Variants in OPRM1 observed in about 807,000 individuals in gnomAD.
The protein encoded by OPRM1 is opioid receptor mu 1.
Under a neutral mutation model 31.8 loss-of-function variants are expected in OPRM1, and 27 were observed. That is an observed-to-expected ratio of 0.85 (90% CI 0.63 to 1.17). OPRM1 has a LOEUF of 1.17. Ranked by LOEUF, OPRM1 falls within the 50% of genes most tolerant of loss-of-function variation. OPRM1 has a pLI of 0.00. For missense variants in OPRM1, 536 were observed against 511.1 expected (o/e 1.05, Z -0.47); for synonymous variants, 196 against 189.9 (o/e 1.03, Z -0.26).
At chr6:154,150,465 A>G (rs534956971) in intron 3 of OPRM1, among the ~76,000 whole-genome samples, 1 of 152,274 alleles carries the variant, frequency 6.6e-6, no homozygotes, top group African/African-American at 2.4e-5. Context: ...GATTGGTCCT[A>G]TTGACAAATC....
intron 3 of OPRM1, among the ~76,000 whole-genome samples, chr6:154,237,795 T>C (rs947042797): frequency 6.6e-6 from 1 of 152,190 alleles, no homozygotes; most frequent in East Asian, 1.9e-4. Context: ...CACACACATA[T>C]ACATATGTAT....
rs530111776 is a variant in OPRM1 at position 154,081,993 on chromosome 6, A to G, written c.291-7833A>G. Reference sequence around the variant, plus strand: ...CTGCAGCAGGATTCAGAGGTCTGCTATCACCCCTCGTTCTCTTAGACAATG... The same window carrying G: ...CTGCAGCAGGATTCAGAGGTCTGCTGTCACCCCTCGTTCTCTTAGACAATG... On this transcript the variant is annotated intron_variant, in intron 1 of 3. Transcript: ENST00000330432. 1.8e-4 allele frequency among the ~76,000 whole-genome samples: 27 copies of G among 152,312 alleles called. 1 individual carries two copies. Among genetic ancestry groups the G allele is most frequent in the Admixed American group, 1.2e-3 (19 of 15,304 alleles).
chr6:154,048,466 A>G (rs1267595729), intron 1 of OPRM1, among the ~76,000 whole-genome samples: 2 of 152,202 alleles, frequency 1.3e-5, no homozygotes, highest in African/African-American at 4.8e-5. Flanking sequence ...AAAAAAAATT[A>G]TGCATTTTCT....
At chr6:154,195,056 T>C (rs1776477966) in intron 3 of OPRM1, among the ~76,000 whole-genome samples, 1 of 152,118 alleles carries the variant, frequency 6.6e-6, no homozygotes, top group South Asian at 2.1e-4. Flanking sequence ...ACCTCAGCTG[T>C]TATGCAGGCT....
intron 3 of OPRM1, chr6:154,158,453 G>T (rs185495902): frequency 2.0e-5 from 3 of 152,312 alleles, no homozygotes; most frequent in Admixed American, 2.0e-4. Flanking sequence ...TCTAAGGTTT[G>T]CAGGCATAAA....
At chr6:154,144,364 A>G (rs1296652493) in intron 3 of OPRM1, among the ~76,000 whole-genome samples, 1 of 152,254 alleles carries the variant, frequency 6.6e-6, no homozygotes, top group African/African-American at 2.4e-5. Flanking sequence ...GCACCAAAAA[A>G]ATTTACAGAC....
At chr6:154,207,113 A>T (rs1230716490) in intron 3 of OPRM1, among the ~76,000 whole-genome samples, 3 of 152,122 alleles carry the variant, frequency 2.0e-5, no homozygotes, top group Non-Finnish European at 4.4e-5. Context: ...TATTTCAATA[A>T]CTCAGGTCAG....
rs527322081 is a variant in OPRM1, at chr6:154,098,252, T to C, written c.1164+6780T>C. Among the ~76,000 whole-genome samples, 14 of 148,662 alleles carry C rather than the reference T, an allele frequency of 9.4e-5. No individual in the cohort carries two copies. The South Asian group carries it at 2.4e-3, about 26-fold the overall frequency. ...ATTTAGGGAAATTTAGTTTTAAAGA[T>C]TGGATTAACTAAAGTGGTGCAGTAT... On this transcript the variant is annotated intron_variant, in intron 3 of 3. Transcript: ENST00000330432.
chr6:154,049,852 A>G (rs979726892), intron 1 of OPRM1, among the ~76,000 whole-genome samples: 8 of 152,212 alleles, frequency 5.3e-5, no homozygotes, highest in Admixed American at 3.3e-4. Flanking sequence ...CCCAAGGATA[A>G]ATCCCACTGG....
At position 154,121,401 on chromosome 6, in the gene OPRM1, G is replaced by A. The variant is rs1359215191; in HGVS notation, c.*2680G>A. 6.6e-6 allele frequency among the ~76,000 whole-genome samples: 1 copy of A among 152,162 alleles called. No individual in the cohort carries two copies. The highest frequency in any genetic ancestry group is 2.4e-5 in the African/African-American group (1 of 41,436). ...CGCTGGAGCACTGGTGAGTCTCTAG[G>A]ACCCTGCTATCCTATCCCAACAGGG... On this transcript the variant is annotated 3_prime_UTR_variant, in exon 4 of 4. Coordinates refer to ENST00000330432, the MANE Select transcript of OPRM1 (RefSeq NM_000914.5).
Position 154,089,831 on chromosome 6 carries a change from C to A in OPRM1, c.296C>A (p.Thr99Asn). The A allele has an allele frequency of 1.9e-6, 3 of 1,609,102 alleles. No individual in the cohort carries two copies. Among genetic ancestry groups the A allele is most frequent in the Non-Finnish European group, 2.5e-6 (3 of 1,176,588 alleles). ...FLVMYVIVRYTKMKTATNIYI... is the reference protein window; with the variant it reads ...FLVMYVIVRYNKMKTATNIYI... ...CTTCTTCCTTTATCTCCTAGATACA[C>A]CAAGATGAAGACTGCCACCAACATC... Residue 99 changes from threonine to asparagine, a missense_variant, in exon 2 of 4, where the codon ACC becomes AAC. Physicochemically the swap from Thr to Asn is moderately conservative, Grantham distance 65. Transcript: ENST00000330432.
intron 3 of OPRM1, among the ~76,000 whole-genome samples, chr6:154,180,416 T>TATATATATA (rs1562526757): frequency 1.8e-4 from 9 of 51,118 alleles, no homozygotes; most frequent in South Asian, 1.2e-3. Context: ...ATATATATAT[T>TATATATATA]TTTTTTTTAA....
intron 3 of OPRM1, chr6:154,155,111 G>A (rs1798659572): frequency 6.6e-6 from 1 of 152,154 alleles, no homozygotes; most frequent in African/African-American, 2.4e-5. Context: ...ATGTGCTGAA[G>A]AGGCAAGGGA....
intron 3 of OPRM1, among the ~76,000 whole-genome samples, chr6:154,208,172 C>T (rs1394510860): frequency 6.6e-6 from 1 of 151,748 alleles, no homozygotes; most frequent in Non-Finnish European, 1.5e-5. Flanking sequence ...GGCCCATATG[C>T]CCTCCACGAT....
chr6:154,111,463 A>T (rs1295580161), intron 3 of OPRM1, among the ~76,000 whole-genome samples: 1 of 152,232 alleles, frequency 6.6e-6, no homozygotes, highest in African/African-American at 2.4e-5. Flanking sequence ...AAATAAAAAT[A>T]TTAAACCAAC....
intron 3 of OPRM1, among the ~76,000 whole-genome samples, chr6:154,141,061 T>C (rs1798194256): frequency 6.6e-6 from 1 of 152,234 alleles, no homozygotes; most frequent in South Asian, 2.1e-4. Context: ...GGTTAAGATT[T>C]GTCACTCTCA....
At chr6:154,028,588 G>A (rs573598938) in intron 1 of OPRM1, among the ~76,000 whole-genome samples, 1 of 152,268 alleles carries the variant, frequency 6.6e-6, no homozygotes, top group Middle Eastern at 3.4e-3. Context: ...AGGCCCCAGC[G>A]CCCTTTAGCC....
intron 3 of OPRM1, among the ~76,000 whole-genome samples, chr6:154,177,238 C>T (rs1800410991): frequency 6.6e-6 from 1 of 152,178 alleles, no homozygotes; most frequent in Non-Finnish European, 1.5e-5. Context: ...GCAAAGACTT[C>T]ATGACTAAAA....
intron 3 of OPRM1, among the ~76,000 whole-genome samples, chr6:154,142,737 G>A (rs547062124): frequency 1.3e-3 from 194 of 152,220 alleles, no homozygotes; most frequent in Non-Finnish European, 2.3e-3. Context: ...CTCTTTTTCT[G>A]ACTTATGCCC....
Sources: gnomAD v4.1 joint callset for allele counts (sites outside exome capture counted in the v4.1 genomes callset) on GRCh38, gnomAD v4.1.1 for gene constraint, MANE v1.5 for transcripts, NCBI Gene and HGNC (gene_info 2026-07-23, HGNC 2026-07-21) for gene names.